Variants in SOS2 observed in about 807,000 individuals in gnomAD.
SOS2 encodes the protein SOS Ras/Rho guanine nucleotide exchange factor 2, also known as son of sevenless homolog 2.
SOS2 carries 65 observed loss-of-function variants against 148.2 expected under a neutral mutation model. The ratio of observed to expected loss-of-function variants is 0.44; its 90% CI spans 0.36 to 0.54. SOS2 has a LOEUF of 0.54. Ranked by LOEUF, SOS2 falls within the 20% of genes least tolerant of loss-of-function variation. The pLI is 0.00. For synonymous variants in SOS2, 539 were observed against 537.1 expected (o/e 1.00, Z -0.05); for missense variants, 1,341 against 1,590.2 (o/e 0.84, Z 2.67).
Position 50,231,185 on chromosome 14 carries a change from CCT to C in SOS2, c.87+10_87+11del. On this transcript the variant is annotated intron_variant, in intron 1 of 22. Transcript: ENST00000216373. ...CGGGCCACCCGCCGGCCGCCCCGCC[CCT>C]AGCACTGACCTTCCGCAGGGCCGAG... The C allele has an allele frequency of 6.9e-7, 1 of 1,448,720 alleles. No individual in the cohort carries two copies. The highest frequency in any genetic ancestry group is 9.2e-7 in the Non-Finnish European group (1 of 1,081,276). The allele number at this position is 1,448,720 out of a possible 1,614,324, so 89.7% of individuals were successfully genotyped here.
At chr14:50,206,548 C>G (rs551033327) in intron 1 of SOS2, among the ~76,000 whole-genome samples, 1 of 152,308 alleles carries the variant, frequency 6.6e-6, no homozygotes, top group African/African-American at 2.4e-5. Context: ...AGAGAAAAGT[C>G]TGTATGTGTT....
At position 50,132,668 on chromosome 14, in the gene SOS2, A is replaced by C. The variant is rs1883919338; in HGVS notation, c.3075+1455T>G. Among the ~76,000 whole-genome samples, 3 of 152,130 alleles carry C rather than the reference A, an allele frequency of 2.0e-5. No individual in the cohort carries two copies. In the South Asian group the frequency reaches 6.2e-4, roughly 32 times the overall value. ...AGAGCGAGACTCTGTCTCAAAAAAAACAAAACAAAAACAAAAAGAAAGGTC... is the reference window on the plus strand; with the variant it reads ...AGAGCGAGACTCTGTCTCAAAAAAACCAAAACAAAAACAAAAAGAAAGGTC... On this transcript the variant is annotated intron_variant, in intron 19 of 22. Transcript: ENST00000216373.
chr14:50,230,776 C>T (rs74050747), intron 1 of SOS2: 1 of 379,502 alleles, frequency 2.6e-6, no homozygotes, highest in Non-Finnish European at 3.6e-6. Flanking sequence ...AAGTGGATAC[C>T]CTTGACAAGC....
chr14:50,142,449 A>T (rs1054998658), intron 16 of SOS2, among the ~76,000 whole-genome samples: 1 of 152,224 alleles, frequency 6.6e-6, no homozygotes, highest in Non-Finnish European at 1.5e-5. Flanking sequence ...CCCACTAAAA[A>T]AAATAAATAA....
At chr14:50,149,847 A>G (rs1884606341) in intron 14 of SOS2, among the ~76,000 whole-genome samples, 161 bp downstream of exon 14, 1 of 152,340 alleles carries the variant, frequency 6.6e-6, no homozygotes, top group Middle Eastern at 3.4e-3. Context: ...TTTTACTTGC[A>G]GGGCAGACTA....
At chr14:50,214,151 T>C (rs1477972055) in intron 1 of SOS2, among the ~76,000 whole-genome samples, 2 of 152,108 alleles carry the variant, frequency 1.3e-5, no homozygotes, top group African/African-American at 4.8e-5. Flanking sequence ...TTTATTTACA[T>C]AAATAATTTT....
chr14:50,203,597 T>C (rs1886568273), intron 2 of SOS2, among the ~76,000 whole-genome samples: 2 of 151,856 alleles, frequency 1.3e-5, no homozygotes, highest in Non-Finnish European at 2.9e-5. Flanking sequence ...TTCAGATATA[T>C]ATATATATAT....
At chr14:50,188,755 C>G (rs903156681) in intron 4 of SOS2, 55 bp from the exon 5 acceptor site, 1 of 1,252,256 alleles carries the variant, frequency 8.0e-7, no homozygotes, top group African/African-American at 1.5e-5. Flanking sequence ...TTTATAAAAA[C>G]TGCCTCAAAG....
At chr14:50,135,642 C>CT (rs56043962) in intron 18 of SOS2, among the ~76,000 whole-genome samples, 3,461 of 82,572 alleles carry the variant, frequency 0.042, 298 homozygotes, top group African/African-American at 0.08. Context: ...ATGTGGTTTG[C>CT]TTTTTTTTTT....
intron 7 of SOS2, among the ~76,000 whole-genome samples, chr14:50,176,976 C>T (rs1885540770): frequency 6.6e-6 from 1 of 152,234 alleles, no homozygotes; most frequent in African/African-American, 2.4e-5. Context: ...CGCCACTGCA[C>T]TCCAGCCTGG....
chr14:50,145,707 A>T, intron 14 of SOS2, 111 bp from the exon 15 acceptor site: 1 of 636,942 alleles, frequency 1.6e-6, no homozygotes, highest in Non-Finnish European at 2.7e-6. Flanking sequence ...AGATGAACAC[A>T]TATATGAACA....
intron 8 of SOS2, among the ~76,000 whole-genome samples, chr14:50,172,441 G>T (rs1885397740): frequency 2.0e-4 from 1 of 4,918 alleles, no homozygotes; most frequent in Non-Finnish European, 4.7e-4. Context: ...TTTCTGAGAT[G>T]GAGTCTCGCT....
At chr14:50,174,158 A>T (rs1885452188) in intron 8 of SOS2, among the ~76,000 whole-genome samples, 1 of 148,880 alleles carries the variant, frequency 6.7e-6, no homozygotes, top group South Asian at 2.1e-4. Flanking sequence ...CTAGTTAATT[A>T]AAATAGAGAA....
At chr14:50,194,453 ATTTT>A (rs58933204) in intron 4 of SOS2, among the ~76,000 whole-genome samples, 51,452 of 98,348 alleles carry the variant, frequency 0.52, 13,686 homozygotes, top group East Asian at 0.61. Flanking sequence ...ATCCCTTTCA[ATTTT>A]TTTTTTTTTT....
chr14:50,213,333 C>T (rs151064848), intron 1 of SOS2, among the ~76,000 whole-genome samples: 1,903 of 152,196 alleles, frequency 0.013, 15 homozygotes, highest in Middle Eastern at 0.024. Flanking sequence ...TAGAAAAACA[C>T]ACAAACAAGA....
chr14:50,168,553 T>C (rs974367990), intron 8 of SOS2, among the ~76,000 whole-genome samples: 4 of 152,196 alleles, frequency 2.6e-5, no homozygotes, highest in Admixed American at 6.5e-5. Context: ...GTCTAAATCC[T>C]TTGCTCATTT....
intron 1 of SOS2, among the ~76,000 whole-genome samples, chr14:50,227,215 C>T (rs1200686617): frequency 6.7e-6 from 1 of 148,200 alleles, no homozygotes; most frequent in Non-Finnish European, 1.5e-5. Context: ...ACCTATTTGT[C>T]TATCTCTGTG....
intron 13 of SOS2, among the ~76,000 whole-genome samples, chr14:50,152,769 C>A (rs1024046744): frequency 6.6e-6 from 1 of 151,994 alleles, no homozygotes; most frequent in Non-Finnish European, 1.5e-5. Context: ...CCAGGCTGGT[C>A]TTGTGGTGAA....
chr14:50,177,412 G>A (rs916861445), intron 7 of SOS2, among the ~76,000 whole-genome samples: 1 of 151,850 alleles, frequency 6.6e-6, no homozygotes, highest in African/African-American at 2.4e-5. Flanking sequence ...ATCTTAAACT[G>A]AATGAATTTT....
Sources: gnomAD v4.1 joint callset for allele counts (sites outside exome capture counted in the v4.1 genomes callset) on GRCh38, gnomAD v4.1.1 for gene constraint, MANE v1.5 for transcripts, NCBI Gene and HGNC (gene_info 2026-07-23, HGNC 2026-07-21) for gene names.